The following CLOCK variants were observed in gnomAD, a reference collection of about 807,000 sequenced individuals.
CLOCK encodes circadian locomoter output cycles protein kaput.
Under a neutral mutation model 118.4 loss-of-function variants are expected in CLOCK, and 43 were observed. That is an observed-to-expected ratio of 0.36 (90% CI 0.28 to 0.47). The LOEUF (loss-of-function observed/expected upper bound fraction) is 0.47, where lower values mean the gene tolerates loss of function less well. Ranked by LOEUF, CLOCK falls within the 20% of genes least tolerant of loss-of-function variation. The probability of loss-of-function intolerance (pLI) is 1.00; values close to 1 mark genes in which losing one functional copy is unlikely to be tolerated. For synonymous variants in CLOCK, 326 were observed against 339.2 expected, an observed-to-expected ratio of 0.96 and a Z score of 0.43; for missense variants, 846 against 999.9, an observed-to-expected ratio of 0.85 and a Z score of 2.08.
At chr4:55,512,766 A>AT (rs1057083665) in intron 1 of CLOCK, among the ~76,000 whole-genome samples, 6 of 151,946 alleles carry the variant, frequency 3.9e-5, no homozygotes, top group Non-Finnish European at 5.9e-5. Flanking sequence ...GTCGAGATTC[A>AT]TTTTTTTGCA....
At chr4:55,493,051 T>G (rs1344184642) in intron 2 of CLOCK, among the ~76,000 whole-genome samples, 2 of 152,164 alleles carry the variant, frequency 1.3e-5, no homozygotes, top group Non-Finnish European at 2.9e-5. Flanking sequence ...TGCATTACTT[T>G]TATAATCAGA....
intron 2 of CLOCK, among the ~76,000 whole-genome samples, chr4:55,495,966 ATC>A (rs1728046673): frequency 6.6e-6 from 1 of 152,168 alleles, no homozygotes; most frequent in Non-Finnish European, 1.5e-5. Context: ...AGGTGGGTGG[ATC>A]ACCTGAGGTC....
At chr4:55,484,543 C>G (rs1727157893) in intron 3 of CLOCK, among the ~76,000 whole-genome samples, 1 of 152,062 alleles carries the variant, frequency 6.6e-6, no homozygotes, top group South Asian at 2.1e-4. Context: ...TTTCTCTGGT[C>G]CAACAGACAT....
chr4:55,435,866 C>T (rs1037215344), intron 22 of CLOCK, among the ~76,000 whole-genome samples: 3 of 152,212 alleles, frequency 2.0e-5, no homozygotes, highest in African/African-American at 7.2e-5. Flanking sequence ...AGCCAAATCA[C>T]ACACGTTCTT....
At chr4:55,451,303 C>T (rs1724426287) in intron 15 of CLOCK, among the ~76,000 whole-genome samples, 1 of 152,170 alleles carries the variant, frequency 6.6e-6, no homozygotes, top group South Asian at 2.1e-4. Flanking sequence ...CTTATTTCAG[C>T]TGAATCTGAT....
At chr4:55,479,526 A>T in intron 5 of CLOCK, 114 bp downstream of exon 5, 2 of 822,694 alleles carry the variant, frequency 2.4e-6, no homozygotes, top group Non-Finnish European at 4.0e-6. Context: ...CCTTGCTAAT[A>T]TATCTAAACT....
In CLOCK at chr4:55,545,663, A is replaced by G. The variant is rs1731566048; in HGVS notation, c.-290+1119T>C. The G allele has an allele frequency of 2.0e-5, 3 of 152,232 alleles. No individual in the cohort carries two copies. In the South Asian group the frequency reaches 6.2e-4, roughly 31 times the overall value. 9.4% of individuals were successfully genotyped at this position (152,232 alleles called of 1,614,324 possible). A position where few individuals can be genotyped will look rare whatever the true frequency, so the allele number is the denominator to read the frequency against. On this transcript the variant is annotated intron_variant, in intron 1 of 22. Transcript: ENST00000513440. ...AGAGACTAGGCTTTTATCTTGCAGA[A>G]TTAGGCTCACCTACCATCAACAAGA...
intron 1 of CLOCK, among the ~76,000 whole-genome samples, chr4:55,519,131 C>T (rs73153687): frequency 0.076 from 11,489 of 152,096 alleles, 1,463 homozygotes; most frequent in African/African-American, 0.26. Context: ...AATTGACTAC[C>T]GCCTCAAACT....
intron 2 of CLOCK, among the ~76,000 whole-genome samples, chr4:55,506,681 T>C (rs1466451528): frequency 1.3e-5 from 2 of 152,092 alleles, no homozygotes. Context: ...TGTCTCAGCC[T>C]CCCAAGTAGC....
intron 1 of CLOCK, among the ~76,000 whole-genome samples, chr4:55,514,701 G>A (rs1424019905): frequency 1.3e-5 from 2 of 151,990 alleles, no homozygotes. Flanking sequence ...TAATGTAATG[G>A]ATTAATTTCT....
rs1044783989 is a variant in CLOCK at position 55,430,529 on chromosome 4, A to G, written c.*4886T>C. Reference sequence around the variant, plus strand: ...AACTGTGCCAACAAAATTCATCCCCAGTGTTTCCACAGGAGACATTAAAAT... The same window carrying G: ...AACTGTGCCAACAAAATTCATCCCCGGTGTTTCCACAGGAGACATTAAAAT... On this transcript the variant is annotated 3_prime_UTR_variant, in exon 23 of 23. Coordinates refer to ENST00000513440, the MANE Select transcript of CLOCK (RefSeq NM_004898.4). 3 of 152,212 alleles carry G rather than the reference A, an allele frequency of 2.0e-5. No individual in the cohort carries two copies. The highest frequency in any genetic ancestry group is 4.4e-5 in the Non-Finnish European group (3 of 68,030). The allele number at this position is 152,212 out of a possible 1,614,324, so 9.4% of individuals were successfully genotyped here. A position where few individuals can be genotyped will look rare whatever the true frequency, so the allele number is the denominator to read the frequency against.
chr4:55,479,588 A>G (rs1726774824), intron 5 of CLOCK, 52 bp downstream of exon 5: 29 of 1,338,130 alleles, frequency 2.2e-5, no homozygotes, highest in Non-Finnish European at 3.0e-5. Flanking sequence ...ATTTACCATT[A>G]TATTTATCTA....
intron 1 of CLOCK, among the ~76,000 whole-genome samples, chr4:55,518,983 C>T (rs889948470): frequency 2.0e-5 from 3 of 152,194 alleles, no homozygotes; most frequent in African/African-American, 7.2e-5. Flanking sequence ...AATCCAACAC[C>T]TTTCAAAACA....
chr4:55,455,867 T>TTCC, intron 13 of CLOCK, 30 bp downstream of exon 13: 1 of 1,415,392 alleles, frequency 7.1e-7, no homozygotes, highest in South Asian at 1.1e-5. Context: ...AAAACAGTTA[T>TTCC]TATCACCAGA....
chr4:55,472,121 A>G (rs1726187107), intron 7 of CLOCK, among the ~76,000 whole-genome samples: 1 of 152,184 alleles, frequency 6.6e-6, no homozygotes, highest in Admixed American at 6.5e-5. Context: ...TAGAGAAGAC[A>G]GAATACACTG....
intron 2 of CLOCK, among the ~76,000 whole-genome samples, chr4:55,506,035 T>C (rs1351296552): frequency 2.6e-5 from 4 of 152,112 alleles, no homozygotes; most frequent in Non-Finnish European, 5.9e-5. Context: ...TTAACAGTTA[T>C]ACAGTATCTT....
At chr4:55,515,019 G>C (rs1051891978) in intron 1 of CLOCK, among the ~76,000 whole-genome samples, 3 of 152,142 alleles carry the variant, frequency 2.0e-5, no homozygotes, top group African/African-American at 7.2e-5. Context: ...TGGACCTGGT[G>C]ATTTCTATCT....
intron 18 of CLOCK, 25 bp downstream of exon 18, chr4:55,448,754 A>C: frequency 6.3e-7 from 1 of 1,577,790 alleles, no homozygotes; most frequent in South Asian, 1.1e-5. Context: ...TCAAATACGC[A>C]ACTGAAACAA....
chr4:55,456,022 A>C lies in CLOCK; in HGVS notation c.876-19T>G. On this transcript the variant is annotated intron_variant, in intron 12 of 22. Transcript: ENST00000513440. ...TGGTGCCCTAAATTACACAGAAAAC[A>C]ATCATTATTATAAGTTTTTCCATAA... 1 of 1,579,794 alleles carries C rather than the reference A, an allele frequency of 6.3e-7. No individual in the cohort carries two copies. The highest frequency in any genetic ancestry group is 8.7e-7 in the Non-Finnish European group (1 of 1,150,206).
Sources: allele counts gnomAD v4.1 joint callset (sites outside exome capture counted in the v4.1 genomes callset), GRCh38; gene constraint gnomAD v4.1.1; transcripts MANE v1.5; gene names NCBI Gene and HGNC (gene_info 2026-07-23, HGNC 2026-07-21).